Variants in MYCBP2 observed in about 807,000 individuals in gnomAD.
The protein encoded by MYCBP2 is MYC binding protein 2, also known as E3 ubiquitin-protein ligase MYCBP2.
In MYCBP2, 120 loss-of-function variants were observed where a neutral mutation model predicts 525.3. That is an observed-to-expected ratio of 0.23 (90% CI 0.20 to 0.27). The LOEUF (loss-of-function observed/expected upper bound fraction) is 0.27. MYCBP2 is among the 10% of genes least tolerant of loss of function. The probability of loss-of-function intolerance (pLI) is 1.00; values close to 1 mark genes in which losing one functional copy is unlikely to be tolerated. For synonymous variants in MYCBP2, 1,894 were observed against 1,955.8 expected (o/e 0.97, Z 0.83); for missense variants, 4,149 against 5,657.1 (o/e 0.73, Z 8.55).
intron 52 of MYCBP2, among the ~76,000 whole-genome samples, chr13:77,138,125 T>C (rs2054037646): frequency 6.6e-6 from 1 of 152,218 alleles, no homozygotes; most frequent in South Asian, 2.1e-4. Context: ...GTATCATTGT[T>C]CAACTTAACC....
chr13:77,298,964 A>T (rs565909527), intron 1 of MYCBP2, among the ~76,000 whole-genome samples: 1 of 152,254 alleles, frequency 6.6e-6, no homozygotes, highest in East Asian at 1.9e-4. Context: ...AATAAATATC[A>T]GATGAACAAA....
chr13:77,294,070 G>A (rs1351004313), intron 2 of MYCBP2, among the ~76,000 whole-genome samples: 1 of 113,810 alleles, frequency 8.8e-6, no homozygotes, highest in Admixed American at 1.0e-4. Flanking sequence ...GAGAAATAGA[G>A]GGGTTGATGA....
At chr13:77,059,109 A>G (rs1162433221) in intron 77 of MYCBP2, among the ~76,000 whole-genome samples, 1 of 151,346 alleles carries the variant, frequency 6.6e-6, no homozygotes, top group African/African-American at 2.4e-5. Flanking sequence ...GCATATCCAC[A>G]TTCTTATTAA....
intron 52 of MYCBP2, among the ~76,000 whole-genome samples, chr13:77,132,562 C>A (rs1039694702): frequency 5.3e-5 from 8 of 152,122 alleles, no homozygotes; most frequent in African/African-American, 1.9e-4. Context: ...AAACTCAATT[C>A]TGTAAGAATT....
At chr13:77,148,370 C>T (rs980640268) in intron 47 of MYCBP2, among the ~76,000 whole-genome samples, 2 of 151,936 alleles carry the variant, frequency 1.3e-5, no homozygotes, top group Non-Finnish European at 2.9e-5. Flanking sequence ...TTTCCAGCCA[C>T]TCACACCAAA....
chr13:77,162,090 G>A, intron 43 of MYCBP2, 135 bp from the exon 44 acceptor site: 1 of 645,504 alleles, frequency 1.5e-6, no homozygotes, highest in African/African-American at 1.9e-5. Context: ...TTGTGATTCT[G>A]GAAAAAATCC....
chr13:77,251,468 C>T lies in MYCBP2; in HGVS notation c.2177-113G>A. ...CAGCATGCTAATCCAAGCAATTATA[C>T]AAAGAAATGCTTAAATTTGAGTAAC... On this transcript the variant is annotated intron_variant, in intron 14 of 82. Transcript: ENST00000544440. The T allele has an allele frequency of 5.0e-6, 4 of 807,318 alleles. No individual in the cohort carries two copies. The East Asian group carries it at 7.6e-5, about 15-fold the overall frequency. 50.0% of individuals were successfully genotyped at this position (807,318 alleles called of 1,614,324 possible).
Position 77,064,626 on chromosome 13 carries a change from C to G in MYCBP2, c.12661G>C (p.Ala4221Pro). 6.2e-7 allele frequency: 1 copy of G among 1,610,514 alleles called. No individual in the cohort carries two copies. The highest frequency in any genetic ancestry group is 8.5e-7 in the Non-Finnish European group (1 of 1,178,072). Reference sequence around the variant, plus strand: ...AAAGCAAAACCTACTCTAGTTGTTGCAATACATCTCACTGGAGACCTAAAT... The same window carrying G: ...AAAGCAAAACCTACTCTAGTTGTTGGAATACATCTCACTGGAGACCTAAAT... ...EEFRSPVRCI[A>P]TTRLWLALAS... is the part of the protein sequence containing the mutation. The change falls in exon 73 of 83, where the codon GCA becomes CCA. Residue 4221 changes from alanine to proline, a missense_variant. By Grantham distance (27) the Ala-to-Pro change is conservative. Around this residue, in one of 21 missense-constraint regions of MYCBP2, gnomAD observed 148 missense variants for 179.4 expected, o/e 0.82. Coordinates refer to ENST00000544440, the MANE Select transcript of MYCBP2 (RefSeq NM_015057.5).
chr13:77,060,515 A>G (rs1036648325), intron 76 of MYCBP2, among the ~76,000 whole-genome samples: 2 of 152,248 alleles, frequency 1.3e-5, no homozygotes, highest in Admixed American at 6.5e-5. Context: ...AGATGTGCTG[A>G]AAACTGAGAA....
At chr13:77,163,280 T>C (rs1483068134) in intron 43 of MYCBP2, among the ~76,000 whole-genome samples, 1 of 152,134 alleles carries the variant, frequency 6.6e-6, no homozygotes, top group Non-Finnish European at 1.5e-5. Context: ...TTGACAAAAA[T>C]AGGTTGCTAG....
chr13:77,246,686 C>T (rs2070082789), intron 15 of MYCBP2, among the ~76,000 whole-genome samples: 2 of 150,948 alleles, frequency 1.3e-5, no homozygotes, highest in African/African-American at 2.4e-5. Context: ...AAAAAAAACC[C>T]CTACAGACCA....
rs9600810 is a variant in MYCBP2 at position 77,055,842 on chromosome 13, G to A, written c.13438-75C>T. On this transcript the variant is annotated intron_variant, in intron 79 of 82. Transcript: ENST00000544440. ...CAACAAACACTTAGCATGCACCTAA[G>A]TGCCAAGCATTGTGCTAGAAGATAA... is the stretch of plus-strand genomic sequence containing the variant. 6.7e-3 allele frequency: 6,801 copies of A among 1,015,660 alleles called. 299 individuals carry two copies. The African/African-American group carries it at 0.092, about 14-fold the overall frequency. The allele number at this position is 1,015,660 out of a possible 1,614,324, so 62.9% of individuals were successfully genotyped here.
Position 77,059,633 on chromosome 13 carries a change from T to A in MYCBP2, c.13037-7A>T. 6.2e-7 allele frequency: 1 copy of A among 1,608,404 alleles called. No homozygotes were observed. Among genetic ancestry groups the A allele is most frequent in the South Asian group, 1.1e-5 (1 of 90,986 alleles). On this transcript the variant is annotated splice_polypyrimidine_tract_variant and splice_region_variant and intron_variant, in intron 76 of 82. Transcript: ENST00000544440. ...CTACTCGTGGTGGGTTTGCCTAGGT[T>A]CAAGCAGAAAAATAAAAATCCTTCT... is the stretch of plus-strand genomic sequence containing the variant.
intron 20 of MYCBP2, among the ~76,000 whole-genome samples, chr13:77,221,076 C>T (rs936488818): frequency 6.6e-6 from 1 of 152,126 alleles, no homozygotes; most frequent in Admixed American, 6.5e-5. Context: ...TGAACCTTGC[C>T]TCTACAGTTC....
intron 68 of MYCBP2, 39 bp from the exon 69 acceptor site, chr13:77,070,750 T>C: frequency 7.7e-7 from 1 of 1,296,928 alleles, no homozygotes; most frequent in Non-Finnish European, 1.1e-6. Flanking sequence ...AAGAATGAAG[T>C]GGTCTCTTTA....
In MYCBP2 at chr13:77,097,622, C is replaced by T; in HGVS notation, c.9532G>A (p.Ala3178Thr). The T allele has an allele frequency of 1.2e-6, 2 of 1,613,590 alleles. No homozygotes were observed. Among genetic ancestry groups the T allele is most frequent in the Non-Finnish European group, 1.7e-6 (2 of 1,179,776 alleles). The change falls in exon 56 of 83, where the codon GCT becomes ACT. Residue 3178 changes from alanine to threonine, a missense_variant. This residue lies in a region of MYCBP2 where 653 missense variants were observed against 744.7 expected (regional missense o/e 0.88). Coordinates refer to ENST00000544440, the MANE Select transcript of MYCBP2 (RefSeq NM_015057.5). ...CTTGGAAAAATCATATTCTGGGAAGCAGCTTTGATAGTAGCCAAAGAGATG... is the reference window on the plus strand; with the variant it reads ...CTTGGAAAAATCATATTCTGGGAAGTAGCTTTGATAGTAGCCAAAGAGATG... ...EDISLATIKA[A>T]SQNMIFPSPG...
At chr13:77,278,490 G>A (rs945716596) in intron 4 of MYCBP2, among the ~76,000 whole-genome samples, 6 of 152,100 alleles carry the variant, frequency 3.9e-5, no homozygotes, top group African/African-American at 1.4e-4. Context: ...TGCATTACAG[G>A]CTATTGTGTG....
chr13:77,089,985 T>G, intron 60 of MYCBP2, 121 bp downstream of exon 60: 1 of 811,718 alleles, frequency 1.2e-6, no homozygotes, highest in African/African-American at 1.7e-5. Context: ...AATCACACAT[T>G]AGAAATTATC....
chr13:77,093,447 G>A (rs2045750493), intron 58 of MYCBP2, 115 bp from the exon 59 acceptor site: 3 of 858,856 alleles, frequency 3.5e-6, no homozygotes, highest in Non-Finnish European at 3.5e-6. Flanking sequence ...TAAAGGCAAA[G>A]CATTAAAATA....
Sources: gnomAD v4.1 joint callset for allele counts (sites outside exome capture counted in the v4.1 genomes callset) on GRCh38, gnomAD v4.1.1 for gene constraint, gnomAD v4.1.1 regional missense constraint, MANE v1.5 for transcripts, NCBI Gene and HGNC (gene_info 2026-07-23, HGNC 2026-07-21) for gene names.